Variants in TIAM2 observed in about 807,000 individuals in gnomAD.
TIAM2 encodes the protein rho guanine nucleotide exchange factor TIAM2.
TIAM2 carries 80 observed loss-of-function variants against 152.9 expected under a neutral mutation model. That is an observed-to-expected ratio of 0.52 (90% CI 0.44 to 0.63). The LOEUF is 0.63. TIAM2 is among the 30% of genes least tolerant of loss of function. The probability of loss-of-function intolerance (pLI) is 0.00; values close to 1 mark genes in which losing one functional copy is unlikely to be tolerated. For synonymous variants in TIAM2, 804 were observed against 838.0 expected, an observed-to-expected ratio of 0.96 and a Z score of 0.70; for missense variants, 1,965 against 2,120.1, an observed-to-expected ratio of 0.93 and a Z score of 1.44.
intron 16 of TIAM2, among the ~76,000 whole-genome samples, chr6:155,241,498 G>A (rs916034236): frequency 1.3e-5 from 2 of 152,102 alleles, no homozygotes; most frequent in African/African-American, 4.8e-5. Flanking sequence ...TGAGACACTC[G>A]GTCCCCCTTC....
At chr6:155,011,600 G>C (rs554807888) in intron 1 of TIAM2, among the ~76,000 whole-genome samples, 3 of 152,254 alleles carry the variant, frequency 2.0e-5, no homozygotes, top group South Asian at 2.1e-4. Flanking sequence ...CCTGTGACTG[G>C]TATATAATTT....
chr6:155,183,332 G>A lies in TIAM2; in HGVS notation c.2896G>A (p.Val966Ile), dbSNP rs372816558. ...GGAGGCCCTGTTTTCTGAGAAGAGC[G>A]TCGGACTCACTCTGATTGCCCGGCC... ...QMEALFSEKS[V>I]GLTLIARPPD... is the part of the protein sequence containing the mutation. Residue 966 changes from valine (V) to isoleucine (I), a missense_variant, in exon 14 of 27, where the codon GTC (valine) becomes ATC (isoleucine). By Grantham distance (29) the Val-to-Ile change is conservative (BLOSUM62 3). Transcript: ENST00000682666. 15 of 1,614,046 alleles carry A rather than the reference G, an allele frequency of 9.3e-6. No homozygotes were observed. Among genetic ancestry groups the A allele is most frequent in the African/African-American group, 5.3e-5 (4 of 74,922 alleles).
At chr6:154,996,948 G>A (rs1434037680) in intron 1 of TIAM2, among the ~76,000 whole-genome samples, 1 of 152,108 alleles carries the variant, frequency 6.6e-6, no homozygotes, top group Non-Finnish European at 1.5e-5. Flanking sequence ...ATTATTTACT[G>A]TGGCAAAACA....
chr6:155,091,048 C>T (rs773609818), intron 2 of TIAM2, among the ~76,000 whole-genome samples: 14 of 152,124 alleles, frequency 9.2e-5, no homozygotes, highest in Non-Finnish European at 1.9e-4. Context: ...AGCTGAAGCA[C>T]GCTCAGATGA....
In TIAM2 at chr6:155,256,941, C is replaced by T. The variant is rs139875461; in HGVS notation, c.4926C>T (p.Thr1642=). The T allele has an allele frequency of 3.1e-6, 5 of 1,614,022 alleles. No homozygotes were observed. Among genetic ancestry groups the T allele is most frequent in the East Asian group, 2.2e-5 (1 of 44,876 alleles). Residue 1642 remains threonine, a synonymous_variant, in exon 27 of 27, where the codon ACC becomes ACT. Transcript: ENST00000682666. ...CCATTAAACGAAAAGCCAACAGCAC[C>T]AAGAGGGACAGAGGAACTTTGCTCA... The part of the protein sequence containing the change: ...FCPIKRKANS[T]KRDRGTLLKA...
intron 5 of TIAM2, among the ~76,000 whole-genome samples, chr6:155,139,094 A>G (rs1011896850): frequency 2.0e-4 from 31 of 152,182 alleles, no homozygotes; most frequent in Non-Finnish European, 3.5e-4. Context: ...GCCAAACCTC[A>G]TCGTCAAGTG....
At chr6:155,255,635 C>CAT (rs1375920718) in intron 26 of TIAM2, 1 of 151,842 alleles carries the variant, frequency 6.6e-6, no homozygotes, top group Non-Finnish European at 1.5e-5. Context: ...CACACACACA[C>CAT]ACCTATAACA....
chr6:155,237,419 G>A (rs758274770), intron 15 of TIAM2, among the ~76,000 whole-genome samples: 4 of 152,232 alleles, frequency 2.6e-5, no homozygotes, highest in African/African-American at 9.6e-5. Flanking sequence ...GATGTCAGTG[G>A]ATCTGGGCTC....
At chr6:155,025,292 C>T (rs1776578126) in intron 1 of TIAM2, among the ~76,000 whole-genome samples, 2 of 151,238 alleles carry the variant, frequency 1.3e-5, no homozygotes, top group African/African-American at 4.9e-5. Context: ...CTCCCGGGTT[C>T]ACGCCATTCT....
At chr6:155,088,457 A>G (rs945970577) in intron 1 of TIAM2, among the ~76,000 whole-genome samples, 1 of 152,210 alleles carries the variant, frequency 6.6e-6, no homozygotes, top group African/African-American at 2.4e-5. Flanking sequence ...TTACACTGAA[A>G]GTCTAGTTGT....
At chr6:155,201,966 A>C (rs1781480239) in intron 14 of TIAM2, among the ~76,000 whole-genome samples, 1 of 152,230 alleles carries the variant, frequency 6.6e-6, no homozygotes, top group South Asian at 2.1e-4. Flanking sequence ...AATAGAATTT[A>C]TTTCTTTGCA....
chr6:155,083,205 C>T (rs1447529768), intron 1 of TIAM2, among the ~76,000 whole-genome samples: 5 of 151,756 alleles, frequency 3.3e-5, no homozygotes, highest in Admixed American at 6.6e-5. Context: ...AAAAATTAGC[C>T]GGGGATGGTG....
intron 6 of TIAM2, among the ~76,000 whole-genome samples, chr6:155,146,582 TA>T (rs568174655): frequency 1.3e-5 from 2 of 151,866 alleles, no homozygotes; most frequent in Admixed American, 6.6e-5. Flanking sequence ...ATTTTTCTTT[TA>T]AAAAATGTAT....
At chr6:155,240,858 G>A in intron 16 of TIAM2, 149 bp downstream of exon 16, 1 of 799,418 alleles carries the variant, frequency 1.3e-6, no homozygotes, top group Non-Finnish European at 1.9e-6. Context: ...ATTGCTCAAG[G>A]AAGGGAGGGG....
At chr6:155,090,077 T>C (rs1778267934) in intron 1 of TIAM2, among the ~76,000 whole-genome samples, 1 of 152,212 alleles carries the variant, frequency 6.6e-6, no homozygotes, top group African/African-American at 2.4e-5. Flanking sequence ...AAGCAGTAAA[T>C]CTACAGTAAA....
At chr6:155,203,234 T>A (rs1328976351) in intron 14 of TIAM2, among the ~76,000 whole-genome samples, 1 of 152,152 alleles carries the variant, frequency 6.6e-6, no homozygotes, top group Non-Finnish European at 1.5e-5. Flanking sequence ...ATGCCTAGGC[T>A]GGCAGCTTTG....
chr6:155,131,193 G>C (rs553176468), intron 4 of TIAM2, among the ~76,000 whole-genome samples: 3 of 152,032 alleles, frequency 2.0e-5, no homozygotes, highest in African/African-American at 7.2e-5. Context: ...AACCCTGTCT[G>C]TACCCAAAAT....
At chr6:155,068,473 T>G (rs566992748) in intron 1 of TIAM2, among the ~76,000 whole-genome samples, 1 of 152,188 alleles carries the variant, frequency 6.6e-6, no homozygotes, top group Admixed American at 6.5e-5. Context: ...GTCTCCTCTG[T>G]TGCCCAGGCT....
In TIAM2 at chr6:155,130,363, G is replaced by A. The variant is rs762296355; in HGVS notation, c.1140G>A (p.Met380Ile). Residue 380 changes from methionine to isoleucine, a missense_variant, in exon 4 of 27, where the codon ATG (methionine) becomes ATA (isoleucine). Met to Ile is a conservative substitution (Grantham distance 10). Transcript: ENST00000682666. ...TAKKDSLKARMRRISDWTGSL... is the reference protein window; with the variant it reads ...TAKKDSLKARIRRISDWTGSL... Reference sequence around the variant, plus strand: ...AGAAGGACTCCCTCAAAGCCAGGATGCGACGGATCAGTGACTGGACGGGAA... The same window carrying A: ...AGAAGGACTCCCTCAAAGCCAGGATACGACGGATCAGTGACTGGACGGGAA... 8 of 1,614,056 alleles carry A rather than the reference G, an allele frequency of 5.0e-6. No individual in the cohort carries two copies. Among genetic ancestry groups the A allele is most frequent in the African/African-American group, 1.3e-5 (1 of 75,044 alleles).
Sources: allele counts gnomAD v4.1 joint callset (sites outside exome capture counted in the v4.1 genomes callset), GRCh38; gene constraint gnomAD v4.1.1; transcripts MANE v1.5; gene names NCBI Gene and HGNC (gene_info 2026-07-23, HGNC 2026-07-21).